The following LAPTM4B variants were observed in gnomAD, a reference collection of about 807,000 sequenced individuals.
LAPTM4B encodes lysosomal-associated transmembrane protein 4B.
LAPTM4B carries 26 observed loss-of-function variants against 28.5 expected under a neutral mutation model. That is an observed-to-expected ratio of 0.91 (90% CI 0.67 to 1.27). LAPTM4B has a LOEUF of 1.27. Ranked by LOEUF, LAPTM4B falls within the 50% of genes most tolerant of loss-of-function variation. The probability of loss-of-function intolerance (pLI) is 0.00; values close to 1 mark genes in which losing one functional copy is unlikely to be tolerated. For synonymous variants in LAPTM4B, 109 were observed against 106.4 expected (o/e 1.02, Z -0.15); for missense variants, 288 against 285.8 (o/e 1.01, Z -0.06).
chr8:97,776,268 C>T (rs1237700440), intron 1 of LAPTM4B, among the ~76,000 whole-genome samples, 160 bp downstream of exon 1: 1 of 152,198 alleles, frequency 6.6e-6, no homozygotes, highest in African/African-American at 2.4e-5. Flanking sequence ...CTTCCCCCGG[C>T]TGGGCCAGCG....
chr8:97,799,118 C>T (rs1025425035), intron 1 of LAPTM4B, among the ~76,000 whole-genome samples: 25 of 152,176 alleles, frequency 1.6e-4, no homozygotes, highest in African/African-American at 4.6e-4. Flanking sequence ...GGCTCTCCCA[C>T]ACATAGGCCC....
chr8:97,806,004 T>G (rs1170532417), intron 2 of LAPTM4B, among the ~76,000 whole-genome samples: 1 of 152,006 alleles, frequency 6.6e-6, no homozygotes, highest in Non-Finnish European at 1.5e-5. Flanking sequence ...TTATGCCGAG[T>G]CCATGCCAAA....
chr8:97,797,475 T>C (rs932383278), intron 1 of LAPTM4B, among the ~76,000 whole-genome samples: 4 of 152,178 alleles, frequency 2.6e-5, no homozygotes, highest in African/African-American at 9.7e-5. Flanking sequence ...TTTAGTGTGA[T>C]TCTGTGAACA....
At position 97,805,467 on chromosome 8, in the gene LAPTM4B, A is replaced by G; in HGVS notation, c.211+3A>G. ...CTTTGAGTTCATGGATGATGCCAGT[A>G]AGTAGTAGATATTTGGGTATTTTCA... On this transcript the variant is annotated splice_donor_region_variant and intron_variant, in intron 2 of 6. Transcript: ENST00000521545. 1 of 1,526,482 alleles carries G rather than the reference A, an allele frequency of 6.6e-7. No homozygotes were observed. Among genetic ancestry groups the G allele is most frequent in the Admixed American group, 1.7e-5 (1 of 59,268 alleles). 94.6% of individuals were successfully genotyped at this position (1,526,482 alleles called of 1,614,324 possible). A position where few individuals can be genotyped will look rare whatever the true frequency, so the allele number is the denominator to read the frequency against.
chr8:97,778,983 C>T (rs1341177306), intron 1 of LAPTM4B, among the ~76,000 whole-genome samples: 2 of 152,268 alleles, frequency 1.3e-5, no homozygotes, highest in Admixed American at 1.3e-4. Context: ...TAAAACGAGG[C>T]ACCTTCCCTG....
Position 97,851,558 on chromosome 8 carries a change from A to G in LAPTM4B, c.*84A>G, listed in dbSNP as rs540961833. The stretch of plus-strand genomic sequence containing the variant: ...GTTCTGTTATTTCACTTTTGCCATG[A>G]GCCTCTCTGAGCTTGTTTGTTGCTG... On this transcript the variant is annotated 3_prime_UTR_variant, in exon 7 of 7. Transcript: ENST00000521545. 1.0e-6 allele frequency: 1 copy of G among 981,314 alleles called. No individual in the cohort carries two copies. Among genetic ancestry groups the G allele is most frequent in the Admixed American group, 1.9e-5 (1 of 51,902 alleles). The allele number at this position is 981,314 out of a possible 1,614,324, so 60.8% of individuals were successfully genotyped here. A position where few individuals can be genotyped will look rare whatever the true frequency, so the allele number is the denominator to read the frequency against.
intron 6 of LAPTM4B, among the ~76,000 whole-genome samples, chr8:97,845,946 G>A (rs1229638298): frequency 7.7e-6 from 1 of 129,276 alleles, no homozygotes; most frequent in African/African-American, 2.9e-5. Context: ...AGGTTGGAGT[G>A]CAGTGGTACG....
Position 97,808,514 on chromosome 8 carries a change from A to G in LAPTM4B, c.211+3050A>G, listed in dbSNP as rs1342650753. ...AATCCTGTCCACACATGAGTTAAATATGGAAAGCTGTGTCCAATAACCTTT... is the reference window on the plus strand; with the variant it reads ...AATCCTGTCCACACATGAGTTAAATGTGGAAAGCTGTGTCCAATAACCTTT... On this transcript the variant is annotated intron_variant, in intron 2 of 6. Transcript: ENST00000521545. Among the ~76,000 whole-genome samples, 7 of 152,296 alleles carry G rather than the reference A, an allele frequency of 4.6e-5. No individual in the cohort carries two copies. The East Asian group carries it at 5.8e-4, about 13-fold the overall frequency.
intron 1 of LAPTM4B, among the ~76,000 whole-genome samples, chr8:97,796,340 A>G (rs1174648676): frequency 6.6e-6 from 1 of 152,198 alleles, no homozygotes; most frequent in Non-Finnish European, 1.5e-5. Flanking sequence ...TCAAGCAGTC[A>G]TCCTGCCTGG....
rs1304767293 is a variant in LAPTM4B at position 97,805,412 on chromosome 8, T to C, written c.159T>C (p.Tyr53=). ...GTGCCCTGGCTGATCCGGATCAGTA[T>C]AACTTTTCAAGTTCTGAACTGGGAG... The part of the protein sequence containing the change: ...LLSALADPDQ[Y]NFSSSELGGD... Residue 53 remains tyrosine (Y), a synonymous_variant, in exon 2 of 7, where the codon TAT becomes TAC. Coordinates refer to ENST00000521545, the MANE Select transcript of LAPTM4B (RefSeq NM_018407.6). The C allele has an allele frequency of 6.2e-7, 1 of 1,613,054 alleles. No individual in the cohort carries two copies. The highest frequency in any genetic ancestry group is 1.1e-5 in the South Asian group (1 of 91,054).
chr8:97,800,396 T>TCA (rs1384690449), intron 1 of LAPTM4B, among the ~76,000 whole-genome samples: 1 of 151,830 alleles, frequency 6.6e-6, no homozygotes, highest in African/African-American at 2.4e-5. Flanking sequence ...TGTATGCCAG[T>TCA]CACCGGTCTA....
At chr8:97,824,975 T>C in intron 5 of LAPTM4B, 83 bp from the exon 6 acceptor site, 1 of 761,954 alleles carries the variant, frequency 1.3e-6, no homozygotes, top group Non-Finnish European at 2.3e-6. Context: ...ATAAAAGTTT[T>C]ATAATATGGC....
rs557635436 is a variant in LAPTM4B, at chr8:97,817,744, C to A, written c.409-1396C>A. On this transcript the variant is annotated intron_variant, in intron 4 of 6. Transcript: ENST00000521545. ...GGAATACAGGCGCCCACTACCATGC[C>A]TGGCTAATTTTTGTATTTTTTTTTT... is the stretch of plus-strand genomic sequence containing the variant. 1.6e-4 allele frequency among the ~76,000 whole-genome samples: 23 copies of A among 143,446 alleles called. No individual in the cohort carries two copies. The South Asian group carries it at 5.2e-3, about 32-fold the overall frequency. 94.1% of individuals were successfully genotyped at this position (143,446 alleles called of 152,430 possible).
chr8:97,782,279 CTTTTTTTTTTTTT>C (rs34322160), intron 1 of LAPTM4B, among the ~76,000 whole-genome samples: 4 of 50,238 alleles, frequency 8.0e-5, no homozygotes, highest in African/African-American at 2.8e-4. Context: ...CCATGCCCAG[CTTTTTTTTTTTTT>C]TTTTTTTTTT....
At chr8:97,836,085 C>G (rs1004466677) in intron 6 of LAPTM4B, among the ~76,000 whole-genome samples, 7 of 152,156 alleles carry the variant, frequency 4.6e-5, no homozygotes, top group Admixed American at 6.5e-5. Context: ...CCCTCACCCC[C>G]TCATCAACCC....
chr8:97,788,974 G>A (rs983060638), intron 1 of LAPTM4B, among the ~76,000 whole-genome samples: 7 of 151,944 alleles, frequency 4.6e-5, no homozygotes, highest in East Asian at 1.9e-4. Flanking sequence ...GTTTACAGGC[G>A]TGAGCTACAG....
chr8:97,848,404 A>ATT (rs112402864), intron 6 of LAPTM4B, among the ~76,000 whole-genome samples: 37 of 150,316 alleles, frequency 2.5e-4, no homozygotes, highest in African/African-American at 4.4e-4. Context: ...TTGCAGCACC[A>ATT]TTTTTTTTTT....
intron 5 of LAPTM4B, among the ~76,000 whole-genome samples, chr8:97,823,994 C>T (rs1247242800): frequency 2.0e-5 from 3 of 152,112 alleles, no homozygotes; most frequent in Non-Finnish European, 4.4e-5. Context: ...GCCACCTTGC[C>T]TGGCCCCGCC....
At chr8:97,803,832 G>T (rs4734373) in intron 1 of LAPTM4B, among the ~76,000 whole-genome samples, 67,449 of 151,752 alleles carry the variant, frequency 0.44, 15,451 homozygotes, top group East Asian at 0.57. Flanking sequence ...TTGTTGAGAT[G>T]GGGTCTCACT....
Sources: gnomAD v4.1 joint callset for allele counts (sites outside exome capture counted in the v4.1 genomes callset) on GRCh38, gnomAD v4.1.1 for gene constraint, MANE v1.5 for transcripts, NCBI Gene and HGNC (gene_info 2026-07-23, HGNC 2026-07-21) for gene names.